PDE4D: variants seen among roughly 807,000 people sequenced by gnomAD.
The protein encoded by PDE4D is 3',5'-cyclic-AMP phosphodiesterase 4D.
Under a neutral mutation model 87.4 loss-of-function variants are expected in PDE4D, and 24 were observed. The ratio of observed to expected loss-of-function variants is 0.27; its 90% CI spans 0.20 to 0.39. The LOEUF (loss-of-function observed/expected upper bound fraction) is 0.39. Ranked by LOEUF, PDE4D falls within the 10% of genes least tolerant of loss-of-function variation. The pLI, the probability that PDE4D is intolerant of heterozygous loss-of-function variation, is 1.00. For missense variants in PDE4D, 714 were observed against 1,041.0 expected (o/e 0.69, Z 4.32); for synonymous variants, 384 against 383.2 (o/e 1.00, Z -0.02).
intron 3 of PDE4D, among the ~76,000 whole-genome samples, chr5:59,190,733 G>T (rs1744122115): frequency 1.3e-5 from 2 of 152,136 alleles, no homozygotes; most frequent in Non-Finnish European, 2.9e-5. Context: ...GTCCAACAGG[G>T]TTTAAGAGAA....
intron 1 of PDE4D, among the ~76,000 whole-genome samples, chr5:59,784,255 A>T (rs1356010680): frequency 8.6e-5 from 13 of 151,308 alleles, no homozygotes; most frequent in African/African-American, 3.2e-4. Context: ...TTTTTTTTAA[A>T]AAAAAAAAGG....
At chr5:60,216,744 T>C (rs558811488) in intron 1 of PDE4D, among the ~76,000 whole-genome samples, 52 of 152,188 alleles carry the variant, frequency 3.4e-4, no homozygotes, top group African/African-American at 1.3e-3. Flanking sequence ...TCAAGAAATA[T>C]AACCATTTTA....
Position 59,843,242 on chromosome 5 carries a change from G to T in PDE4D, c.455+49926C>A, listed in dbSNP as rs142575912. On this transcript the variant is annotated intron_variant, in intron 1 of 14. Coordinates refer to ENST00000340635, the MANE Select transcript of PDE4D (RefSeq NM_001104631.2). ...TCTAATTTTAAAATACGTATTTCAA[G>T]AATTTTTATTTTAGCCATCTTGCCA... Among the ~76,000 whole-genome samples, 88 of 151,940 alleles carry T rather than the reference G, an allele frequency of 5.8e-4. 4 individuals are homozygous for T. The highest frequency in any genetic ancestry group is 2.0e-3 in the African/African-American group (85 of 41,464).
At chr5:59,495,358 C>A (rs1229663256) in intron 1 of PDE4D, among the ~76,000 whole-genome samples, 1 of 152,102 alleles carries the variant, frequency 6.6e-6, no homozygotes, top group Non-Finnish European at 1.5e-5. Context: ...TCATTTATTA[C>A]CCCCTGGCCC....
intron 6 of PDE4D, among the ~76,000 whole-genome samples, chr5:59,004,903 AT>A (rs1561283808): frequency 6.6e-6 from 1 of 152,050 alleles, no homozygotes; most frequent in South Asian, 2.1e-4. Context: ...TCACTGTTCT[AT>A]TTTTTTCAAC....
intron 2 of PDE4D, among the ~76,000 whole-genome samples, chr5:60,102,408 G>A (rs185260720): frequency 3.3e-5 from 5 of 152,132 alleles, no homozygotes; most frequent in African/African-American, 1.2e-4. Context: ...CATCCTGCCA[G>A]CTACCCACTG....
At chr5:59,600,233 C>A (rs1014197955) in intron 1 of PDE4D, among the ~76,000 whole-genome samples, 3 of 152,172 alleles carry the variant, frequency 2.0e-5, no homozygotes, top group African/African-American at 7.2e-5. Flanking sequence ...AACTGCAGCC[C>A]GCTTTAAGAG....
chr5:59,812,976 T>C (rs565277113), intron 1 of PDE4D, among the ~76,000 whole-genome samples: 1 of 152,262 alleles, frequency 6.6e-6, no homozygotes, highest in East Asian at 1.9e-4. Context: ...GGAGACATAA[T>C]AATATTCCTA....
intron 1 of PDE4D, among the ~76,000 whole-genome samples, chr5:59,357,913 G>A (rs1371301467): frequency 6.6e-6 from 1 of 152,130 alleles, no homozygotes; most frequent in Non-Finnish European, 1.5e-5. Context: ...AAGGGAGAGC[G>A]CCACTTCTTC....
chr5:59,056,620 CCCCAGTGTGTGATGTT>C (rs1430431005), intron 5 of PDE4D, among the ~76,000 whole-genome samples: 1 of 151,986 alleles, frequency 6.6e-6, no homozygotes, highest in Non-Finnish European at 1.5e-5. Context: ...CCCCACCAGG[CCCCAGTGTGTGATGTT>C]CCCCTCCCTG....
At chr5:60,385,089 T>G (rs1762109781) in intron 1 of PDE4D, among the ~76,000 whole-genome samples, 1 of 152,134 alleles carries the variant, frequency 6.6e-6, no homozygotes, top group African/African-American at 2.4e-5. Context: ...TCATCCAGAC[T>G]CCGCCTTCAT....
At chr5:59,891,578 C>A (rs979556277) in intron 1 of PDE4D, among the ~76,000 whole-genome samples, 1 of 152,166 alleles carries the variant, frequency 6.6e-6, no homozygotes, top group African/African-American at 2.4e-5. Context: ...TGGAAGTCTG[C>A]AGTCTTTGAT....
chr5:59,838,855 C>T (rs907924649), intron 1 of PDE4D, among the ~76,000 whole-genome samples: 9 of 152,008 alleles, frequency 5.9e-5, no homozygotes, highest in African/African-American at 1.9e-4. Flanking sequence ...CCTTGACAAA[C>T]AGATGTCTAT....
chr5:60,437,045 C>A (rs73759052), intron 1 of PDE4D, among the ~76,000 whole-genome samples: 1 of 152,004 alleles, frequency 6.6e-6, no homozygotes, highest in African/African-American at 2.4e-5. Context: ...AGATGTGTGA[C>A]CTCAACACAA....
At chr5:59,172,558 A>G (rs1216599800) in intron 5 of PDE4D, among the ~76,000 whole-genome samples, 3 of 150,910 alleles carry the variant, frequency 2.0e-5, no homozygotes, top group Admixed American at 6.6e-5. Flanking sequence ...AAAATAAAAA[A>G]TTATGCACAC....
intron 1 of PDE4D, among the ~76,000 whole-genome samples, chr5:59,861,024 T>C (rs978637164): frequency 4.3e-5 from 6 of 138,850 alleles, no homozygotes; most frequent in Non-Finnish European, 7.7e-5. Flanking sequence ...CACACCTAGA[T>C]AATTTTTTTT....
chr5:59,762,429 T>TATATGTGTATATGGGTACAC (rs1467062417), intron 1 of PDE4D, among the ~76,000 whole-genome samples: 2 of 134,544 alleles, frequency 1.5e-5, no homozygotes, highest in Non-Finnish European at 3.1e-5. Flanking sequence ...TACACATGTG[T>TATATGTGTATATGGGTACAC]ATATGTGTAT....
At chr5:59,109,726 A>G (rs906628006) in intron 5 of PDE4D, among the ~76,000 whole-genome samples, 2 of 152,200 alleles carry the variant, frequency 1.3e-5, no homozygotes, top group Admixed American at 1.3e-4. Flanking sequence ...TATCCCCCTT[A>G]GAGTCCAGAA....
intron 1 of PDE4D, among the ~76,000 whole-genome samples, chr5:59,791,477 C>G (rs1303221056): frequency 6.6e-6 from 1 of 152,238 alleles, no homozygotes; most frequent in African/African-American, 2.4e-5. Context: ...CATTGTGCTG[C>G]TAACCCTCAT....
Sources: gnomAD v4.1 joint callset for allele counts (sites outside exome capture counted in the v4.1 genomes callset) on GRCh38, gnomAD v4.1.1 for gene constraint, MANE v1.5 for transcripts, NCBI Gene and HGNC (gene_info 2026-07-23, HGNC 2026-07-21) for gene names.